Variants in IPO13 observed in about 807,000 individuals in gnomAD.
IPO13 encodes the protein importin 13.
IPO13 carries 28 observed loss-of-function variants against 115.5 expected under a neutral mutation model. That is an observed-to-expected ratio of 0.24 (90% CI 0.18 to 0.33). The LOEUF (loss-of-function observed/expected upper bound fraction) is 0.33, where lower values mean the gene tolerates loss of function less well. Ranked by LOEUF, IPO13 falls within the 10% of genes least tolerant of loss-of-function variation. IPO13 has a pLI of 1.00. For synonymous variants in IPO13, 414 were observed against 478.9 expected (o/e 0.86, Z 1.77); for missense variants, 785 against 1,204.6 (o/e 0.65, Z 5.16).
intron 14 of IPO13, among the ~76,000 whole-genome samples, chr1:43,963,008 G>C (rs1636879): frequency 0.14 from 21,363 of 152,198 alleles, 1,709 homozygotes; most frequent in African/African-American, 0.2. Flanking sequence ...CCTCTAGCAG[G>C]GTGGCTGCTG....
chr1:43,959,199 T>G (rs1411699034), intron 11 of IPO13, among the ~76,000 whole-genome samples: 1 of 152,212 alleles, frequency 6.6e-6, no homozygotes, highest in Non-Finnish European at 1.5e-5. Context: ...CTTCAACCCT[T>G]AAGTGATTTT....
intron 15 of IPO13, among the ~76,000 whole-genome samples, chr1:43,964,755 C>T (rs143487968): frequency 3.9e-4 from 60 of 152,324 alleles, no homozygotes; most frequent in South Asian, 1.0e-3. Flanking sequence ...CTGGGAGCAG[C>T]TCCAAAGCGA....
At chr1:43,951,282 T>C (rs1439455130) in intron 2 of IPO13, among the ~76,000 whole-genome samples, 1 of 151,968 alleles carries the variant, frequency 6.6e-6, no homozygotes, top group Admixed American at 6.5e-5. Flanking sequence ...AGTGGACACA[T>C]GAGTGGCAAG....
intron 2 of IPO13, among the ~76,000 whole-genome samples, chr1:43,954,464 C>A (rs1427098415): frequency 6.6e-6 from 1 of 152,162 alleles, no homozygotes; most frequent in African/African-American, 2.4e-5. Flanking sequence ...CTGCTTGGGG[C>A]AAGTCCAGAT....
chr1:43,966,880 A>G lies in IPO13; in HGVS notation c.2524-50A>G. 1 of 1,609,478 alleles carries G rather than the reference A, an allele frequency of 6.2e-7. No homozygotes were observed. Among genetic ancestry groups the G allele is most frequent in the Non-Finnish European group, 8.5e-7 (1 of 1,176,150 alleles). ...GCTGGGGTGTACAGGTCTTGTCCTC[A>G]GGGAGAGCTGGGAAGGAGCTGGGCT... is the stretch of plus-strand genomic sequence containing the variant. On this transcript the variant is annotated intron_variant, in intron 17 of 19. Transcript: ENST00000372343. The surrounding 1 kb of genome is among the most constrained non-coding windows in gnomAD (Gnocchi z 4.1).
In IPO13 at chr1:43,967,070, G is replaced by T; in HGVS notation, c.2613+51G>T. The T allele has an allele frequency of 6.5e-7, 1 of 1,541,366 alleles. No homozygotes were observed. On this transcript the variant is annotated intron_variant, in intron 18 of 19. Coordinates refer to ENST00000372343, the MANE Select transcript of IPO13 (RefSeq NM_014652.4). This position sits in a 1 kb window ranked among gnomAD's most constrained non-coding sequence, Gnocchi z 6.1. ...ATGGGGGTGAGGGCCCCTCACTGCT[G>T]AGGCAGCTGGCCTTCTGGGAGGCTT...
intron 15 of IPO13, among the ~76,000 whole-genome samples, chr1:43,964,698 C>T (rs930832601): frequency 3.9e-5 from 6 of 152,026 alleles, no homozygotes; most frequent in African/African-American, 7.2e-5. Context: ...GTGCTCCTGC[C>T]GGGAACTGCC....
At chr1:43,957,749 TA>T (rs1286398110) in intron 7 of IPO13, among the ~76,000 whole-genome samples, 200 bp downstream of exon 7, 1 of 152,214 alleles carries the variant, frequency 6.6e-6, no homozygotes, top group Non-Finnish European at 1.5e-5. Flanking sequence ...GAGGCTAGTT[TA>T]CCGTCAGTGA....
Position 43,966,607 on chromosome 1 carries a change from T to C in IPO13, c.2430T>C (p.Cys810=), listed in dbSNP as rs766242646. Residue 810 remains cysteine, a synonymous_variant, in exon 16 of 20, where the codon TGT becomes TGC. Transcript: ENST00000372343. This position sits in a 1 kb window ranked among gnomAD's most constrained non-coding sequence, Gnocchi z 4.1. Reference sequence around the variant, plus strand: ...AGCGGAAGCCAGATTTGTTCCTGTGTGAACGATTGGATGTCAAAGCTGTGT... The same window carrying C: ...AGCGGAAGCCAGATTTGTTCCTGTGCGAACGATTGGATGTCAAAGCTGTGT... The part of the protein sequence containing the change: ...ALKRKPDLFL[C]ERLDVKAVFQ... 3.1e-6 allele frequency: 5 copies of C among 1,614,082 alleles called. No individual in the cohort carries two copies. The highest frequency in any genetic ancestry group is 4.2e-6 in the Non-Finnish European group (5 of 1,180,032).
intron 15 of IPO13, among the ~76,000 whole-genome samples, chr1:43,964,898 C>A (rs2085311800): frequency 6.6e-6 from 1 of 152,010 alleles, no homozygotes; most frequent in Non-Finnish European, 1.5e-5. Context: ...GTGTGTGAGA[C>A]CTTATTTTGT....
rs2085246082 is a variant in IPO13 at position 43,956,125 on chromosome 1, G to A, written c.822-195G>A. On this transcript the variant is annotated intron_variant, in intron 2 of 19. Transcript: ENST00000372343. The surrounding 1 kb of genome is among the most constrained non-coding windows in gnomAD (Gnocchi z 4.7). ...ATACGTCCTTCTCAGAGTTCTTCTG[G>A]GGGTCCCTGATCTAAGGTTCTTCCC... Among the ~76,000 whole-genome samples the A allele has an allele frequency of 6.6e-6, 1 of 152,104 alleles. No homozygotes were observed. Among genetic ancestry groups the A allele is most frequent in the African/African-American group, 2.4e-5 (1 of 41,396 alleles).
chr1:43,967,960 G>A lies in IPO13; in HGVS notation c.*278G>A, dbSNP rs2085338166. On this transcript the variant is annotated 3_prime_UTR_variant, in exon 20 of 20. Transcript: ENST00000372343. This position sits in a 1 kb window ranked among gnomAD's most constrained non-coding sequence, Gnocchi z 6.1. ...TTCAGAATACTGTCATTGTCCTTGG[G>A]GCGGGGTGGTTGCAGTAGTGTCATC... is the stretch of plus-strand genomic sequence containing the variant. 1.9e-6 allele frequency: 1 copy of A among 536,112 alleles called. No individual in the cohort carries two copies. The highest frequency in any genetic ancestry group is 1.9e-5 in the African/African-American group (1 of 52,810). The allele number at this position is 536,112 out of a possible 1,614,324, so 33.2% of individuals were successfully genotyped here. A position where few individuals can be genotyped will look rare whatever the true frequency, so the allele number is the denominator to read the frequency against.
rs376746617 is a variant in IPO13 at position 43,967,405 on chromosome 1, A to G, written c.2704A>G (p.Met902Val). Reference sequence around the variant, plus strand: ...CAAGCACTGCTTCAGCCTCCTGAGCATGTGGATCAAGGAGGCCCTGCAGCC... The same window carrying G: ...CAAGCACTGCTTCAGCCTCCTGAGCGTGTGGATCAAGGAGGCCCTGCAGCC... ...LNKHCFSLLS[M>V]WIKEALQPPG... Residue 902 changes from methionine to valine, a missense_variant, in exon 19 of 20, where the codon ATG becomes GTG. By Grantham distance (21) the Met-to-Val change is conservative. This residue lies in a region of IPO13 where 285 missense variants were observed against 394.8 expected (regional missense o/e 0.72). Coordinates refer to ENST00000372343, the MANE Select transcript of IPO13 (RefSeq NM_014652.4). The surrounding 1 kb of genome is among the most constrained non-coding windows in gnomAD (Gnocchi z 6.1). 3 of 1,614,004 alleles carry G rather than the reference A, an allele frequency of 1.9e-6. No individual in the cohort carries two copies. The highest frequency in any genetic ancestry group is 3.3e-5 in the Admixed American group (2 of 60,008).
At chr1:43,959,302 G>A (rs778803696) in intron 11 of IPO13, among the ~76,000 whole-genome samples, 19 of 152,304 alleles carry the variant, frequency 1.2e-4, no homozygotes, top group Non-Finnish European at 2.4e-4. Flanking sequence ...TACCTCCTCC[G>A]CATGTAATAG....
At chr1:43,963,908 G>A (rs2085305629) in intron 14 of IPO13, among the ~76,000 whole-genome samples, 1 of 152,208 alleles carries the variant, frequency 6.6e-6, no homozygotes, top group South Asian at 2.1e-4. Flanking sequence ...TAGGAGCAGT[G>A]TAGGGCTACC....
At chr1:43,959,806 T>C (rs943294697) in intron 11 of IPO13, among the ~76,000 whole-genome samples, 1 of 152,102 alleles carries the variant, frequency 6.6e-6, no homozygotes, top group Admixed American at 6.5e-5. Context: ...TGCTCTCTGC[T>C]CCTCCATAAG....
intron 5 of IPO13, 87 bp from the exon 6 acceptor site, chr1:43,957,108 G>T (rs2085255993): frequency 2.5e-6 from 4 of 1,571,512 alleles, no homozygotes; most frequent in Non-Finnish European, 2.6e-6. Context: ...GCAGAGTTGT[G>T]GGGGTACTGG....
At chr1:43,951,052 A>T (rs888616038) in intron 2 of IPO13, among the ~76,000 whole-genome samples, 10 of 152,128 alleles carry the variant, frequency 6.6e-5, no homozygotes, top group African/African-American at 2.4e-4. Context: ...TGGGGCTGGA[A>T]GGGATTGGGG....
chr1:43,952,670 T>C lies in IPO13; in HGVS notation c.821+2517T>C, dbSNP rs1331767165. On this transcript the variant is annotated intron_variant, in intron 2 of 19. Coordinates refer to ENST00000372343, the MANE Select transcript of IPO13 (RefSeq NM_014652.4). The surrounding 1 kb of genome is among the most constrained non-coding windows in gnomAD (Gnocchi z 4.7). Reference sequence around the variant, plus strand: ...CATACATATATTTATATGTATATGATACACACACACACATAGATAATGTGC... The same window carrying C: ...CATACATATATTTATATGTATATGACACACACACACACATAGATAATGTGC... 6.6e-6 allele frequency among the ~76,000 whole-genome samples: 1 copy of C among 151,936 alleles called. No individual in the cohort carries two copies. The highest frequency in any genetic ancestry group is 1.5e-5 in the Non-Finnish European group (1 of 67,978).
Sources: gnomAD v4.1 joint callset for allele counts (sites outside exome capture counted in the v4.1 genomes callset) on GRCh38, gnomAD v4.1.1 for gene constraint, gnomAD v4.1.1 regional missense constraint, Gnocchi (gnomAD v3.1) non-coding constraint, MANE v1.5 for transcripts, NCBI Gene and HGNC (gene_info 2026-07-23, HGNC 2026-07-21) for gene names.